HAPLN3: variants seen among roughly 807,000 people sequenced by gnomAD.
HAPLN3 encodes the protein extracellular link domain containing, 1.
HAPLN3 carries 28 observed loss-of-function variants against 28.1 expected under a neutral mutation model. That is an observed-to-expected ratio of 1.00 (90% CI 0.74 to 1.37). The LOEUF is 1.37. HAPLN3 is among the 40% of genes most tolerant of loss of function. The pLI is 0.00. For synonymous variants in HAPLN3, 211 were observed against 213.1 expected (o/e 0.99, Z 0.09); for missense variants, 513 against 504.6 (o/e 1.02, Z -0.16).
chr15:88,878,997 C>A lies in HAPLN3; in HGVS notation c.766G>T (p.Asp256Tyr). ...GPRHRRLHRY[D>Y]VFCFATALKG... ...AGGGCAGTAGCGAAGCAGAATACATCATAGCGGTGCAGGCGGCGGTGGCGG... is the reference window on the plus strand; with the variant it reads ...AGGGCAGTAGCGAAGCAGAATACATAATAGCGGTGCAGGCGGCGGTGGCGG... The change falls in exon 4 of 5, where the codon GAT becomes TAT. Residue 256 changes from aspartate (D) to tyrosine (Y), a missense_variant. Transcript: ENST00000359595. 6.2e-7 allele frequency: 1 copy of A among 1,610,568 alleles called. No homozygotes were observed. The highest frequency in any genetic ancestry group is 8.5e-7 in the Non-Finnish European group (1 of 1,178,996).
At chr15:88,884,896 G>T (rs1018766261) in intron 2 of HAPLN3, among the ~76,000 whole-genome samples, 13 of 152,184 alleles carry the variant, frequency 8.5e-5, no homozygotes, top group African/African-American at 3.1e-4. Context: ...CACCAGAACC[G>T]GAAGAGGCAA....
chr15:88,882,732 GGT>G (rs1435557412), intron 2 of HAPLN3, among the ~76,000 whole-genome samples: 10 of 152,164 alleles, frequency 6.6e-5, no homozygotes, highest in Admixed American at 3.3e-4. Context: ...GGCCAGGCAC[GGT>G]GGTTCACGCT....
intron 2 of HAPLN3, among the ~76,000 whole-genome samples, chr15:88,884,593 T>G (rs1448777175): frequency 2.0e-5 from 3 of 152,022 alleles, no homozygotes; most frequent in Non-Finnish European, 4.4e-5. Flanking sequence ...AAAGTAGGGC[T>G]TGTATAACAA....
chr15:88,887,557 C>T (rs987641133), intron 1 of HAPLN3, among the ~76,000 whole-genome samples: 14 of 152,110 alleles, frequency 9.2e-5, no homozygotes, highest in East Asian at 3.9e-4. Flanking sequence ...GAAGGCAAGA[C>T]GGGAGATCAG....
At position 88,881,679 on chromosome 15, in the gene HAPLN3, G is replaced by C. The variant is rs748805350; in HGVS notation, c.171C>G (p.Thr57=). ...CACTGGCCCCTTGGTAGGTGAACAG[G>C]GTCTCCTCGGGTGTCTCCACCACCA... ...VKLVVETPEE[T]LFTYQGASVI... The change falls in exon 3 of 5, where the codon ACC becomes ACG. Residue 57 remains threonine (T), a synonymous_variant. Transcript: ENST00000359595. This position sits in a 1 kb window ranked among gnomAD's most constrained non-coding sequence, Gnocchi z 6.0. 1 of 1,613,538 alleles carries C rather than the reference G, an allele frequency of 6.2e-7. No homozygotes were observed. The highest frequency in any genetic ancestry group is 1.3e-5 in the African/African-American group (1 of 74,882).
chr15:88,890,495 A>G lies in HAPLN3; in HGVS notation c.-47-3150T>C, dbSNP rs558413606. On this transcript the variant is annotated intron_variant, in intron 1 of 4. Coordinates refer to ENST00000359595, the MANE Select transcript of HAPLN3 (RefSeq NM_178232.4). ...TCCTCGGTTGCGAAATGGAGATCAT[A>G]AAACTCACCCTGGTATATTTCTCGC... 2.6e-5 allele frequency among the ~76,000 whole-genome samples: 4 copies of G among 152,310 alleles called. No homozygotes were observed. In the South Asian group the frequency reaches 6.2e-4, roughly 24 times the overall value.
intron 1 of HAPLN3, chr15:88,892,829 C>A: frequency 1.1e-6 from 1 of 890,860 alleles, no homozygotes. Flanking sequence ...TCAGGTCCAT[C>A]TCTGACCATC....
chr15:88,890,533 G>A (rs769058069), intron 1 of HAPLN3, among the ~76,000 whole-genome samples: 26 of 152,186 alleles, frequency 1.7e-4, no homozygotes, highest in Non-Finnish European at 5.9e-5. Context: ...ATGCATTCTA[G>A]TTTTCTCCTA....
chr15:88,892,936 C>T (rs59440069), intron 1 of HAPLN3: 188,421 of 1,530,988 alleles, frequency 0.12, 14,089 homozygotes, highest in African/African-American at 0.25. Context: ...AGAGGTGCCA[C>T]CAGCTGGAAG....
chr15:88,878,120 G>T lies in HAPLN3; in HGVS notation c.933C>A (p.Cys311Ter), dbSNP rs374662292. The T allele has an allele frequency of 6.2e-6, 10 of 1,613,986 alleles. No individual in the cohort carries two copies. The highest frequency in any genetic ancestry group is 1.7e-5 in the Admixed American group (1 of 60,004). ...TACCATCTGCCAGCCAGCCAGCGTC[G>T]CAGCGGTCCAGGCCATGGAACTTCC... ...AAWKFHGLDR[C>*]DAGWLADGSV... The change falls in exon 5 of 5, where the codon TGC (cysteine) becomes TGA (stop). Residue 311 changes from cysteine to a stop codon, truncating the protein, a stop_gained. Transcript: ENST00000359595. LOFTEE classifies it low-confidence loss of function (END_TRUNC).
At chr15:88,885,783 C>T (rs942627865) in intron 2 of HAPLN3, among the ~76,000 whole-genome samples, 5 of 151,858 alleles carry the variant, frequency 3.3e-5, no homozygotes, top group South Asian at 2.1e-4. Context: ...TAGAGGGTTT[C>T]GGTATGTTGG....
intron 2 of HAPLN3, among the ~76,000 whole-genome samples, chr15:88,884,590 G>T (rs4932440): frequency 0.51 from 77,943 of 151,866 alleles, 21,259 homozygotes; most frequent in African/African-American, 0.71. Flanking sequence ...AATAAAGTAG[G>T]GCTTGTATAA....
rs1228613602 is a variant in HAPLN3, at chr15:88,878,043, G to T, written c.1010C>A (p.Pro337His). The T allele has an allele frequency of 1.2e-6, 2 of 1,614,088 alleles. No homozygotes were observed. Among genetic ancestry groups the T allele is most frequent in the Non-Finnish European group, 1.7e-6 (2 of 1,180,024 alleles). Residue 337 changes from proline to histidine, a missense_variant, in exon 5 of 5, where the codon CCT becomes CAT. Pro to His is a moderately conservative substitution (Grantham distance 77, BLOSUM62 -2). Transcript: ENST00000359595. ...GGGGAAGCCAAAGCTTCGGACCCCA[G>T]GCTCTGGGGGCCCACAGTTAGGATG... ...HPHPNCGPPE[P>H]GVRSFGFPDP...
chr15:88,889,858 A>G (rs1412670581), intron 1 of HAPLN3, among the ~76,000 whole-genome samples: 2 of 152,234 alleles, frequency 1.3e-5, no homozygotes, highest in African/African-American at 4.8e-5. Context: ...AAAGCAGAAC[A>G]TACAATTGCC....
chr15:88,883,608 G>GA (rs1408698473), intron 2 of HAPLN3, among the ~76,000 whole-genome samples: 19 of 152,292 alleles, frequency 1.2e-4, no homozygotes, highest in African/African-American at 4.3e-4. Flanking sequence ...TGAATAAAAT[G>GA]AAAATGTACA....
In HAPLN3 at chr15:88,880,383, C is replaced by G; in HGVS notation, c.493+974G>C. Reference sequence around the variant, plus strand: ...GGACACTGGTGGCAAAGACAGAGAACGCATTTTAAGGACATACATCTTATC... The same window carrying G: ...GGACACTGGTGGCAAAGACAGAGAAGGCATTTTAAGGACATACATCTTATC... On this transcript the variant is annotated intron_variant, in intron 3 of 4. Coordinates refer to ENST00000359595, the MANE Select transcript of HAPLN3 (RefSeq NM_178232.4). The surrounding 1 kb of genome is among the most constrained non-coding windows in gnomAD (Gnocchi z 6.0). 1 of 1,128,576 alleles carries G rather than the reference C, an allele frequency of 8.9e-7. No individual in the cohort carries two copies. The highest frequency in any genetic ancestry group is 1.1e-6 in the Non-Finnish European group (1 of 908,608). 69.9% of individuals were successfully genotyped at this position (1,128,576 alleles called of 1,614,324 possible).
intron 2 of HAPLN3, among the ~76,000 whole-genome samples, chr15:88,886,574 C>T (rs1177039624): frequency 6.6e-6 from 1 of 151,968 alleles, no homozygotes; most frequent in Non-Finnish European, 1.5e-5. Flanking sequence ...CCTGTAATCC[C>T]AGCAATTTGG....
chr15:88,887,283 G>A lies in HAPLN3; in HGVS notation c.16C>T (p.Leu6=), dbSNP rs756508395. MGLLL[L]VPLLLLPGSY... ...CCGGGCAGCAGGAGCAACGGGACCA[G>A]GAGCAACAGGCCCATCTCCTCATGC... Residue 6 remains leucine (L), a synonymous_variant, in exon 2 of 5, where the codon CTG becomes TTG. Transcript: ENST00000359595. The A allele has an allele frequency of 1.9e-6, 3 of 1,614,008 alleles. No individual in the cohort carries two copies. The highest frequency in any genetic ancestry group is 1.7e-5 in the Admixed American group (1 of 59,996).
rs906013315 is a variant in HAPLN3, at chr15:88,895,125, G to C, written c.-48+334C>G. On this transcript the variant is annotated intron_variant, in intron 1 of 4. Transcript: ENST00000359595. The surrounding 1 kb of genome is among the most constrained non-coding windows in gnomAD (Gnocchi z 5.5). ...CCGACCCTGGACAGACGACAGGGGA[G>C]AGAGCCAAGCGGACCCTGGCAGGAA... 1.3e-5 allele frequency among the ~76,000 whole-genome samples: 2 copies of C among 152,232 alleles called. No individual in the cohort carries two copies. Among genetic ancestry groups the C allele is most frequent in the Non-Finnish European group, 2.9e-5 (2 of 68,042 alleles).
Sources: allele counts gnomAD v4.1 joint callset (sites outside exome capture counted in the v4.1 genomes callset), GRCh38; gene constraint gnomAD v4.1.1; non-coding constraint Gnocchi (gnomAD v3.1); transcripts MANE v1.5; gene names NCBI Gene and HGNC (gene_info 2026-07-23, HGNC 2026-07-21).